Variants in CDC14A observed in about 807,000 individuals in gnomAD.
CDC14A encodes dual specificity protein phosphatase CDC14A.
CDC14A carries 53 observed loss-of-function variants against 74.4 expected under a neutral mutation model. The observed-to-expected ratio is 0.71, with a 90% confidence interval of 0.57 to 0.89. The LOEUF is 0.89. Among genes scored for constraint, CDC14A ranks in the 40% least tolerant of loss-of-function variants. The pLI, the probability that CDC14A is intolerant of heterozygous loss-of-function variation, is 0.00. For synonymous variants in CDC14A, 247 were observed against 258.4 expected (o/e 0.96, Z 0.43); for missense variants, 646 against 713.7 (o/e 0.91, Z 1.08).
intron 10 of CDC14A, among the ~76,000 whole-genome samples, chr1:100,470,321 G>A (rs1042206130): frequency 1.3e-4 from 19 of 151,972 alleles, no homozygotes; most frequent in African/African-American, 4.1e-4. Context: ...AATAATCTAT[G>A]AAAACTCTAT....
chr1:100,369,233 A>G (rs1654085163), intron 2 of CDC14A, among the ~76,000 whole-genome samples: 1 of 151,856 alleles, frequency 6.6e-6, no homozygotes, highest in Admixed American at 6.6e-5. Flanking sequence ...CTCAGCCTCC[A>G]AGGTAGCTGT....
chr1:100,368,295 T>G (rs1653946654), intron 2 of CDC14A, among the ~76,000 whole-genome samples: 1 of 152,352 alleles, frequency 6.6e-6, no homozygotes, highest in South Asian at 2.1e-4. Flanking sequence ...TTGTTTCACC[T>G]TAGTTAATTT....
At chr1:100,387,324 G>A (rs1045397260) in intron 3 of CDC14A, among the ~76,000 whole-genome samples, 2 of 152,120 alleles carry the variant, frequency 1.3e-5, no homozygotes, top group Admixed American at 6.6e-5. Flanking sequence ...CTTTGAATTC[G>A]TTTTGATTCC....
chr1:100,352,378 G>A, upstream of CDC14A: 1 of 813,048 alleles, frequency 1.2e-6, no homozygotes, highest in Non-Finnish European at 1.5e-6. Flanking sequence ...TCCCTTTAAG[G>A]GATGGCCGCG....
At chr1:100,358,161 C>CA (rs1652182419) in intron 2 of CDC14A, among the ~76,000 whole-genome samples, 2 of 152,028 alleles carry the variant, frequency 1.3e-5, no homozygotes, top group Non-Finnish European at 2.9e-5. Flanking sequence ...ACTAGTGGTA[C>CA]AAAAATAGCT....
At chr1:100,439,787 G>C in intron 5 of CDC14A, 145 bp from the exon 6 acceptor site, 1 of 607,910 alleles carries the variant, frequency 1.6e-6, no homozygotes, top group South Asian at 2.0e-5. Flanking sequence ...TAGTTAATTA[G>C]TAGGATCTAA....
At chr1:100,410,845 T>G (rs1289605900) in intron 4 of CDC14A, among the ~76,000 whole-genome samples, 2 of 152,204 alleles carry the variant, frequency 1.3e-5, no homozygotes, top group Non-Finnish European at 2.9e-5. Flanking sequence ...TTTAAAAAAT[T>G]TTTATCTCTC....
intron 10 of CDC14A, among the ~76,000 whole-genome samples, chr1:100,481,850 T>C (rs1669508642): frequency 6.6e-6 from 1 of 152,260 alleles, no homozygotes; most frequent in African/African-American, 2.4e-5. Flanking sequence ...TTTTAAATAC[T>C]AAATGCTTAA....
intron 2 of CDC14A, among the ~76,000 whole-genome samples, chr1:100,372,502 G>T (rs1039889738): frequency 1.3e-5 from 2 of 152,136 alleles, no homozygotes; most frequent in Admixed American, 6.5e-5. Context: ...TCTTCAAAAG[G>T]AGTAAATTCC....
At chr1:100,348,344 CTTTT>C (rs1024971260), upstream of CDC14A, among the ~76,000 whole-genome samples, 17 of 147,890 alleles carry the variant, frequency 1.1e-4, no homozygotes, top group African/African-American at 3.5e-4. Context: ...AAATTTAATT[CTTTT>C]GTTTTTCATT....
chr1:100,482,926 T>C (rs1480227906), intron 10 of CDC14A, among the ~76,000 whole-genome samples: 1 of 152,188 alleles, frequency 6.6e-6, no homozygotes, highest in African/African-American at 2.4e-5. Flanking sequence ...CATGGTCTTA[T>C]TCTTTTTTAT....
At chr1:100,356,240 A>G (rs1489024434) in intron 2 of CDC14A, among the ~76,000 whole-genome samples, 2 of 152,206 alleles carry the variant, frequency 1.3e-5, no homozygotes, top group Non-Finnish European at 2.9e-5. Context: ...CAGCCATGGT[A>G]TGACTTGATT....
At chr1:100,435,532 T>C (rs1367511558) in intron 5 of CDC14A, among the ~76,000 whole-genome samples, 2 of 152,028 alleles carry the variant, frequency 1.3e-5, no homozygotes, top group African/African-American at 2.4e-5. Flanking sequence ...TTGTACACTT[T>C]AAAAAGGAAG....
At chr1:100,362,897 A>G (rs1652958552) in intron 2 of CDC14A, among the ~76,000 whole-genome samples, 1 of 152,192 alleles carries the variant, frequency 6.6e-6, no homozygotes, top group Non-Finnish European at 1.5e-5. Context: ...CAGAGACTTT[A>G]ATAGGCAGAA....
intron 11 of CDC14A, 30 bp from the exon 12 acceptor site, chr1:100,494,788 C>T (rs1325472791): frequency 7.5e-7 from 1 of 1,329,526 alleles, no homozygotes; most frequent in South Asian, 1.2e-5. Context: ...CAAATTTTGA[C>T]CTTTCTATGG....
At chr1:100,496,312 G>A (rs1342090719) in intron 13 of CDC14A, among the ~76,000 whole-genome samples, 1 of 145,798 alleles carries the variant, frequency 6.9e-6, no homozygotes, top group Non-Finnish European at 1.5e-5. Context: ...ACATTGTGGA[G>A]GGGGGTCTCT....
At chr1:100,354,331 C>A (rs189682359) in intron 2 of CDC14A, among the ~76,000 whole-genome samples, 93 of 152,278 alleles carry the variant, frequency 6.1e-4, no homozygotes, top group African/African-American at 2.2e-3. Flanking sequence ...ACATTAACTG[C>A]GGGGAGCTGT....
At chr1:100,417,781 A>C (rs142691527) in intron 4 of CDC14A, among the ~76,000 whole-genome samples, 69 of 152,314 alleles carry the variant, frequency 4.5e-4, no homozygotes, top group African/African-American at 1.6e-3. Context: ...CTCATTCACC[A>C]ATTATTAATT....
At chr1:100,433,716 T>C (rs1168949951) in intron 5 of CDC14A, among the ~76,000 whole-genome samples, 3 of 152,220 alleles carry the variant, frequency 2.0e-5, no homozygotes, top group African/African-American at 7.2e-5. Flanking sequence ...TGTTCTTTCA[T>C]CTCTGGTTTC....
Sources: allele counts gnomAD v4.1 joint callset (sites outside exome capture counted in the v4.1 genomes callset), GRCh38; gene constraint gnomAD v4.1.1; transcripts MANE v1.5; gene names NCBI Gene and HGNC (gene_info 2026-07-23, HGNC 2026-07-21).